Variants in SLC9A9 observed in about 807,000 individuals in gnomAD.
SLC9A9 encodes the protein sodium/hydrogen exchanger 9.
A neutral mutation model predicts 77.8 loss-of-function variants in SLC9A9; 62 were observed. The ratio of observed to expected loss-of-function variants is 0.80; its 90% CI spans 0.65 to 0.98. The LOEUF (loss-of-function observed/expected upper bound fraction) is 0.98. Ranked by LOEUF, SLC9A9 falls within the 50% of genes least tolerant of loss-of-function variation. The pLI, the probability that SLC9A9 is intolerant of heterozygous loss-of-function variation, is 0.00. For synonymous variants in SLC9A9, 320 were observed against 283.5 expected (o/e 1.13, Z -1.29); for missense variants, 775 against 774.9 (o/e 1.00, Z 0.00).
chr3:143,842,418 T>TA (rs1257824889), intron 1 of SLC9A9, among the ~76,000 whole-genome samples: 2 of 152,040 alleles, frequency 1.3e-5, no homozygotes, highest in East Asian at 1.9e-4. Flanking sequence ...CCCAAAAACA[T>TA]AAAAAAACAT....
intron 9 of SLC9A9, among the ~76,000 whole-genome samples, chr3:143,534,842 C>G (rs1055670065): frequency 2.0e-5 from 3 of 152,146 alleles, no homozygotes; most frequent in Non-Finnish European, 4.4e-5. Context: ...AATTGCAACA[C>G]TTACTGAAGT....
intron 4 of SLC9A9, among the ~76,000 whole-genome samples, chr3:143,786,751 G>A (rs773093746): frequency 1.6e-4 from 25 of 152,190 alleles, no homozygotes; most frequent in Non-Finnish European, 3.5e-4. Flanking sequence ...TTTGACACCA[G>A]TGACAGCTAT....
At chr3:143,652,421 C>T in intron 5 of SLC9A9, 61 bp from the exon 6 acceptor site, 1 of 1,224,600 alleles carries the variant, frequency 8.2e-7, no homozygotes. Flanking sequence ...TTTTCCTTGG[C>T]TATGGTCACC....
Position 143,265,325 on chromosome 3 carries a change from T to C in SLC9A9, c.*1377A>G, listed in dbSNP as rs1937678428. On this transcript the variant is annotated 3_prime_UTR_variant, in exon 16 of 16. Coordinates refer to ENST00000316549, the MANE Select transcript of SLC9A9 (RefSeq NM_173653.4). ...ATGACAAAGTTATACTTAGCTTGAGTGTAAAACTTGTGCCCCAGAGATTCT... is the reference window on the plus strand; with the variant it reads ...ATGACAAAGTTATACTTAGCTTGAGCGTAAAACTTGTGCCCCAGAGATTCT... The C allele has an allele frequency of 6.6e-6, 1 of 152,302 alleles. No individual in the cohort carries two copies. Among genetic ancestry groups the C allele is most frequent in the South Asian group, 2.1e-4 (1 of 4,832 alleles). 9.4% of individuals were successfully genotyped at this position (152,302 alleles called of 1,614,324 possible).
intron 5 of SLC9A9, among the ~76,000 whole-genome samples, chr3:143,682,718 C>G (rs1056037717): frequency 6.6e-6 from 1 of 152,134 alleles, no homozygotes; most frequent in Non-Finnish European, 1.5e-5. Flanking sequence ...TTTCTTTGCC[C>G]TTTCCAACTT....
chr3:143,709,476 C>A (rs1349002), intron 4 of SLC9A9, among the ~76,000 whole-genome samples: 145,087 of 152,170 alleles, frequency 0.95, 69,213 homozygotes, highest in East Asian at 1. Flanking sequence ...CGCTGGTCCC[C>A]AGCCACACTT....
intron 1 of SLC9A9, among the ~76,000 whole-genome samples, chr3:143,834,128 T>A (rs956200830): frequency 6.6e-6 from 1 of 152,202 alleles, no homozygotes; most frequent in African/African-American, 2.4e-5. Context: ...TCAAGAATAT[T>A]TTTATTTTAT....
intron 5 of SLC9A9, among the ~76,000 whole-genome samples, chr3:143,665,985 G>A (rs76515790): frequency 6.6e-6 from 1 of 152,276 alleles, no homozygotes; most frequent in South Asian, 2.1e-4. Context: ...ATTTTATGAG[G>A]CCAGCATCAT....
At chr3:143,708,132 T>A (rs920655272) in intron 4 of SLC9A9, among the ~76,000 whole-genome samples, 1 of 151,608 alleles carries the variant, frequency 6.6e-6, no homozygotes, top group African/African-American at 2.4e-5. Flanking sequence ...TGACATGCAG[T>A]GGGAGGTAGA....
At chr3:143,662,334 G>A (rs764809106) in intron 5 of SLC9A9, among the ~76,000 whole-genome samples, 18 of 152,220 alleles carry the variant, frequency 1.2e-4, no homozygotes, top group South Asian at 2.1e-4. Context: ...TTTTGAGATC[G>A]TTTCAAGATG....
intron 5 of SLC9A9, among the ~76,000 whole-genome samples, chr3:143,664,493 T>C (rs2039030965): frequency 6.6e-6 from 1 of 152,186 alleles, no homozygotes; most frequent in South Asian, 2.1e-4. Context: ...TAACCTGAAA[T>C]GTAAATGGGC....
chr3:143,420,654 CATT>C (rs1193918123), intron 12 of SLC9A9, among the ~76,000 whole-genome samples: 7 of 152,222 alleles, frequency 4.6e-5, no homozygotes, highest in Non-Finnish European at 1.0e-4. Flanking sequence ...TGAGGGAAAT[CATT>C]ATTTGATTGT....
intron 1 of SLC9A9, among the ~76,000 whole-genome samples, chr3:143,842,981 C>G (rs1309289008): frequency 6.6e-6 from 1 of 151,958 alleles, no homozygotes; most frequent in Non-Finnish European, 1.5e-5. Flanking sequence ...CCTTTCTTCC[C>G]CATTTTATAG....
intron 4 of SLC9A9, among the ~76,000 whole-genome samples, chr3:143,744,719 A>G (rs1935164212): frequency 1.3e-5 from 2 of 152,222 alleles, no homozygotes; most frequent in Non-Finnish European, 2.9e-5. Context: ...TAATTAAGAG[A>G]AAAACAGCTT....
At chr3:143,664,900 C>T (rs2039039201) in intron 5 of SLC9A9, among the ~76,000 whole-genome samples, 2 of 152,122 alleles carry the variant, frequency 1.3e-5, no homozygotes, top group South Asian at 2.1e-4. Context: ...ACTTTAATAC[C>T]CCACTGTTAA....
chr3:143,482,491 A>G (rs889578946), intron 11 of SLC9A9, among the ~76,000 whole-genome samples: 1 of 152,216 alleles, frequency 6.6e-6, no homozygotes. Context: ...TTTGAGAAAC[A>G]GTGTTCGCTG....
chr3:143,429,136 A>ATTT (rs2034461471), intron 12 of SLC9A9, among the ~76,000 whole-genome samples: 1 of 152,382 alleles, frequency 6.6e-6, no homozygotes, highest in East Asian at 1.9e-4. Flanking sequence ...ATGCATTGAA[A>ATTT]TATCACATTG....
chr3:143,724,304 C>G (rs990950552), intron 4 of SLC9A9, among the ~76,000 whole-genome samples: 1 of 152,146 alleles, frequency 6.6e-6, no homozygotes, highest in Non-Finnish European at 1.5e-5. Context: ...TCTGCTTCCC[C>G]TTTGCCTTCC....
At chr3:143,831,813 AG>A (rs1013896218) in intron 2 of SLC9A9, among the ~76,000 whole-genome samples, 2 of 152,128 alleles carry the variant, frequency 1.3e-5, no homozygotes, top group Admixed American at 6.6e-5. Flanking sequence ...CCTAACTTCT[AG>A]GAAAAAAAAA....
Sources: allele counts gnomAD v4.1 joint callset (sites outside exome capture counted in the v4.1 genomes callset), GRCh38; gene constraint gnomAD v4.1.1; transcripts MANE v1.5; gene names NCBI Gene and HGNC (gene_info 2026-07-23, HGNC 2026-07-21).